Variants in CSMD1 observed in about 807,000 individuals in gnomAD.
CSMD1 encodes CUB and Sushi multiple domains 1.
CSMD1 carries 213 observed loss-of-function variants against 417.5 expected under a neutral mutation model. The observed-to-expected ratio is 0.51, with a 90% confidence interval of 0.46 to 0.57. CSMD1 has a LOEUF of 0.57. Ranked by LOEUF, CSMD1 falls within the 20% of genes least tolerant of loss-of-function variation. CSMD1 has a pLI of 0.00. For synonymous variants in CSMD1, 2,862 were observed against 1,736.8 expected (o/e 1.65, Z -16.11); for missense variants, 6,923 against 4,529.7 (o/e 1.53, Z -15.17).
intron 7 of CSMD1, among the ~76,000 whole-genome samples, chr8:3,650,108 G>C (rs1399897495): frequency 6.6e-6 from 1 of 152,024 alleles, no homozygotes; most frequent in Non-Finnish European, 1.5e-5. Context: ...GTGAAACCTT[G>C]TCTCTACTAA....
chr8:3,582,328 A>C (rs1800418154), intron 9 of CSMD1, among the ~76,000 whole-genome samples: 1 of 152,306 alleles, frequency 6.6e-6, no homozygotes, highest in South Asian at 2.1e-4. Flanking sequence ...CTAATGGATG[A>C]ATCCATTATC....
intron 1 of CSMD1, among the ~76,000 whole-genome samples, chr8:4,815,543 A>G (rs1285797477): frequency 3.9e-5 from 6 of 151,924 alleles, no homozygotes; most frequent in African/African-American, 1.5e-4. Context: ...TGAAAATACA[A>G]AAATTAGCCA....
intron 1 of CSMD1, among the ~76,000 whole-genome samples, chr8:4,803,776 T>C (rs1798437943): frequency 6.6e-6 from 1 of 152,228 alleles, no homozygotes; most frequent in Non-Finnish European, 1.5e-5. Context: ...TTGGTATTTA[T>C]TTAGTCCTTC....
chr8:3,810,878 G>C (rs140127421), intron 5 of CSMD1, among the ~76,000 whole-genome samples: 2 of 152,054 alleles, frequency 1.3e-5, no homozygotes, highest in African/African-American at 2.4e-5. Flanking sequence ...TTTAAACGCA[G>C]GCATTTTCAC....
chr8:3,496,763 T>C (rs1422340289), intron 10 of CSMD1, among the ~76,000 whole-genome samples: 2 of 151,878 alleles, frequency 1.3e-5, no homozygotes, highest in African/African-American at 2.4e-5. Flanking sequence ...GAGGTGGAGG[T>C]TGCAGTGACC....
intron 11 of CSMD1, among the ~76,000 whole-genome samples, chr8:3,482,673 C>T (rs916614849): frequency 9.9e-5 from 15 of 152,166 alleles, no homozygotes; most frequent in African/African-American, 3.6e-4. Context: ...CAACTCAATA[C>T]ACATGTTTTT....
chr8:4,985,915 G>A (rs1167026896), intron 1 of CSMD1, among the ~76,000 whole-genome samples: 5 of 152,168 alleles, frequency 3.3e-5, no homozygotes, highest in Non-Finnish European at 2.9e-5. Flanking sequence ...AAGACATTTG[G>A]AGTGCGCAGA....
At chr8:4,355,674 C>T (rs1801387194) in intron 3 of CSMD1, among the ~76,000 whole-genome samples, 1 of 152,154 alleles carries the variant, frequency 6.6e-6, no homozygotes, top group Admixed American at 6.5e-5. Context: ...ACCTCCAAAG[C>T]CTACAGAGTT....
At chr8:3,997,209 A>C (rs1188414250) in intron 5 of CSMD1, among the ~76,000 whole-genome samples, 2 of 152,232 alleles carry the variant, frequency 1.3e-5, no homozygotes, top group Non-Finnish European at 2.9e-5. Context: ...AAGGCCTTAA[A>C]CATCTATGCT....
At chr8:4,727,275 C>A (rs545755104) in intron 1 of CSMD1, among the ~76,000 whole-genome samples, 6 of 152,088 alleles carry the variant, frequency 3.9e-5, no homozygotes, top group Non-Finnish European at 8.8e-5. Flanking sequence ...TAATGTCTAC[C>A]GGTGAAGTCT....
intron 25 of CSMD1, among the ~76,000 whole-genome samples, chr8:3,288,316 A>G (rs1423439636): frequency 1.4e-5 from 2 of 147,174 alleles, no homozygotes; most frequent in Non-Finnish European, 2.9e-5. Flanking sequence ...TGTTGGCCTC[A>G]TAAAACGAGG....
rs192727281 is a variant in CSMD1 at position 3,976,560 on chromosome 8, C to G, written c.818+21343G>C. 1.1e-3 allele frequency among the ~76,000 whole-genome samples: 175 copies of G among 152,282 alleles called. 1 individual carries two copies. Among genetic ancestry groups the G allele is most frequent in the Non-Finnish European group, 1.4e-3 (95 of 68,034 alleles). ...AAGAGCCTGTGAAACAGAGTGTCTTCTCAGCAATTAAGACAAAGTAAAACC... is the reference window on the plus strand; with the variant it reads ...AAGAGCCTGTGAAACAGAGTGTCTTGTCAGCAATTAAGACAAAGTAAAACC... On this transcript the variant is annotated intron_variant, in intron 5 of 69. Transcript: ENST00000635120.
At chr8:4,500,374 G>C (rs759861739) in intron 2 of CSMD1, among the ~76,000 whole-genome samples, 45 of 152,250 alleles carry the variant, frequency 3.0e-4, no homozygotes, top group Middle Eastern at 6.8e-3. Flanking sequence ...TGAGACAAAT[G>C]TGTTCATATA....
chr8:3,638,956 G>C (rs1292107739), intron 7 of CSMD1, among the ~76,000 whole-genome samples: 2 of 152,174 alleles, frequency 1.3e-5, no homozygotes, highest in African/African-American at 4.8e-5. Flanking sequence ...TGGGAATTCA[G>C]AAATTATTTC....
At chr8:4,591,592 G>C (rs1432743343) in intron 2 of CSMD1, among the ~76,000 whole-genome samples, 1 of 152,190 alleles carries the variant, frequency 6.6e-6, no homozygotes, top group Non-Finnish European at 1.5e-5. Flanking sequence ...GATGCAAGCA[G>C]CTTTCCAAGG....
chr8:3,080,975 A>T (rs1814053670), intron 49 of CSMD1, among the ~76,000 whole-genome samples: 1 of 152,228 alleles, frequency 6.6e-6, no homozygotes, highest in Non-Finnish European at 1.5e-5. Flanking sequence ...ACAAAAGCCA[A>T]TTCTAAATAA....
At chr8:3,317,186 T>C (rs545377668) in intron 23 of CSMD1, among the ~76,000 whole-genome samples, 1 of 152,254 alleles carries the variant, frequency 6.6e-6, no homozygotes, top group African/African-American at 2.4e-5. Context: ...ATGATTCTGA[T>C]CTTCTCATAG....
chr8:3,741,908 C>T (rs535259479), intron 6 of CSMD1, among the ~76,000 whole-genome samples: 1 of 152,088 alleles, frequency 6.6e-6, no homozygotes, highest in Non-Finnish European at 1.5e-5. Context: ...CATATTCTGG[C>T]CCAAACCTAC....
At chr8:4,118,938 G>GC (rs1802317611) in intron 3 of CSMD1, among the ~76,000 whole-genome samples, 1 of 152,116 alleles carries the variant, frequency 6.6e-6, no homozygotes, top group African/African-American at 2.4e-5. Flanking sequence ...CATTTCCTTT[G>GC]GGGGGACATG....
Sources: allele counts gnomAD v4.1 joint callset (sites outside exome capture counted in the v4.1 genomes callset), GRCh38; gene constraint gnomAD v4.1.1; transcripts MANE v1.5; gene names NCBI Gene and HGNC (gene_info 2026-07-23, HGNC 2026-07-21).